The following PPP3CB variants were observed in gnomAD, a reference collection of about 807,000 sequenced individuals.
The protein encoded by PPP3CB is serine/threonine-protein phosphatase 2B catalytic subunit beta isoform.
A neutral mutation model predicts 66.4 loss-of-function variants in PPP3CB; 8 were observed. The ratio of observed to expected loss-of-function variants is 0.12; its 90% confidence interval spans 0.07 to 0.22. The LOEUF is 0.22. Among genes scored for constraint, PPP3CB ranks in the 10% least tolerant of loss-of-function variants. The pLI is 1.00. For missense variants in PPP3CB, 319 were observed against 642.5 expected (o/e 0.50, Z 5.44); for synonymous variants, 208 against 221.2 (o/e 0.94, Z 0.53).
intron 8 of PPP3CB, among the ~76,000 whole-genome samples, chr10:73,468,567 T>C (rs2056655071): frequency 1.3e-5 from 2 of 152,298 alleles, no homozygotes; most frequent in Non-Finnish European, 2.9e-5. Flanking sequence ...AGACAATGCA[T>C]TTCACATGAA....
chr10:73,487,385 T>C (rs1274178158), intron 1 of PPP3CB, among the ~76,000 whole-genome samples: 1 of 151,652 alleles, frequency 6.6e-6, no homozygotes, highest in African/African-American at 2.4e-5. Flanking sequence ...CCGTCTCTAC[T>C]AAAAATACAA....
At chr10:73,493,045 G>A (rs746220723) in intron 1 of PPP3CB, among the ~76,000 whole-genome samples, 3 of 152,146 alleles carry the variant, frequency 2.0e-5, no homozygotes, top group South Asian at 2.1e-4. Flanking sequence ...GGAGGCCACG[G>A]TGGGAGGATC....
intron 10 of PPP3CB, among the ~76,000 whole-genome samples, chr10:73,452,866 C>T (rs1049187144): frequency 6.6e-6 from 1 of 152,242 alleles, no homozygotes. Context: ...GCAATGGTAG[C>T]GCTTGTACAG....
At position 73,444,710 on chromosome 10, in the gene PPP3CB, G is replaced by A; in HGVS notation, c.1366+15C>T. ...CAGTCCATCTGAGGCACAGCAAGTT[G>A]CATAACATCATTACCACTTTGCAGG... On this transcript the variant is annotated intron_variant, in intron 12 of 13. Coordinates refer to ENST00000360663, the MANE Select transcript of PPP3CB (RefSeq NM_021132.4). 1 of 1,614,118 alleles carries A rather than the reference G, an allele frequency of 6.2e-7. No individual in the cohort carries two copies.
Position 73,444,735 on chromosome 10 carries a change from G to C in PPP3CB, c.1356C>G (p.Thr452=). Reference sequence around the variant, plus strand: ...GCATAACATCATTACCACTTTGCAGGGTCTGCCGTCCTCCAGCTAACACTC... The same window carrying C: ...GCATAACATCATTACCACTTTGCAGCGTCTGCCGTCCTCCAGCTAACACTC... ...PSGVLAGGRQ[T]LQSATVEAIE... The change falls in exon 12 of 14, where the codon ACC becomes ACG. Residue 452 remains threonine (T), a synonymous_variant. Transcript: ENST00000360663. 1 of 1,614,066 alleles carries C rather than the reference G, an allele frequency of 6.2e-7. No individual in the cohort carries two copies. Among genetic ancestry groups the C allele is most frequent in the South Asian group, 1.1e-5 (1 of 91,080 alleles).
At chr10:73,478,662 C>A in intron 2 of PPP3CB, 39 bp from the exon 3 acceptor site, 1 of 1,573,478 alleles carries the variant, frequency 6.4e-7, no homozygotes, top group South Asian at 1.2e-5. Flanking sequence ...AAAAAAATCT[C>A]TAAAACAACA....
In PPP3CB at chr10:73,478,650, G is replaced by A. The variant is rs370399522; in HGVS notation, c.287-27C>T. On this transcript the variant is annotated intron_variant, in intron 2 of 13. Coordinates refer to ENST00000360663, the MANE Select transcript of PPP3CB (RefSeq NM_021132.4). ...TGAAACAAGAAGATTATTAGATAAG[G>A]GAAAAAAATCTCTAAAACAACAAAT... 29 of 1,588,912 alleles carry A rather than the reference G, an allele frequency of 1.8e-5. No individual in the cohort carries two copies. In the African/African-American group the frequency reaches 2.9e-4, roughly 16 times the overall value.
chr10:73,474,803 G>A, intron 4 of PPP3CB, 116 bp downstream of exon 4: 1 of 1,396,988 alleles, frequency 7.2e-7, no homozygotes, highest in Non-Finnish European at 9.5e-7. Flanking sequence ...AGCTTTATGT[G>A]TGGACATGAA....
At chr10:73,444,370 G>C in intron 12 of PPP3CB, 1 of 533,734 alleles carries the variant, frequency 1.9e-6, no homozygotes. Context: ...TTAGTAACAG[G>C]AATATCCCTG....
At position 73,479,436 on chromosome 10, in the gene PPP3CB, T is replaced by C. The variant is rs760558486; in HGVS notation, c.167A>G (p.Lys56Arg). Residue 56 changes from lysine (K) to arginine (R), a missense_variant, in exon 2 of 14, where the codon AAG (lysine) becomes AGG (arginine). By Grantham distance (26) the Lys-to-Arg change is conservative (BLOSUM62 2). Around this residue, in one of 5 missense-constraint regions of PPP3CB, gnomAD observed 104 missense variants for 128.4 expected, o/e 0.81. Coordinates refer to ENST00000360663, the MANE Select transcript of PPP3CB (RefSeq NM_021132.4). ...TCGACCTTCTTTCACCAAGTGGTTC[T>C]TCAGAACATCAACCCTGGGTATCCC... is the stretch of plus-strand genomic sequence containing the variant. ...LDGIPRVDVL[K>R]NHLVKEGRVD... is the part of the protein sequence containing the mutation. The C allele has an allele frequency of 1.9e-6, 3 of 1,614,184 alleles. No individual in the cohort carries two copies. Among genetic ancestry groups the C allele is most frequent in the Non-Finnish European group, 2.5e-6 (3 of 1,180,022 alleles).
intron 1 of PPP3CB, among the ~76,000 whole-genome samples, chr10:73,490,978 G>A (rs915363767): frequency 6.7e-5 from 10 of 148,440 alleles, no homozygotes; most frequent in Non-Finnish European, 1.0e-4. Context: ...GATTACAGGT[G>A]CGTGCCACCA....
chr10:73,463,838 C>T (rs142148851), intron 9 of PPP3CB, among the ~76,000 whole-genome samples: 7,080 of 151,730 alleles, frequency 0.047, 506 homozygotes, highest in African/African-American at 0.15. Flanking sequence ...GGTTTCACTG[C>T]GTTAGCCAGG....
chr10:73,487,511 G>A lies in PPP3CB; in HGVS notation c.86-7994C>T, dbSNP rs187025602. Among the ~76,000 whole-genome samples, 557 of 131,548 alleles carry A rather than the reference G, an allele frequency of 4.2e-3. 1 individual carries two copies. The highest frequency in any genetic ancestry group is 0.015 in the African/African-American group (512 of 34,896). The allele number at this position is 131,548 out of a possible 152,430, so 86.3% of individuals were successfully genotyped here. A position where few individuals can be genotyped will look rare whatever the true frequency, so the allele number is the denominator to read the frequency against. ...TGCAGTGAGCCGAGATCATGCCACT[G>A]TACTCCAGCCAGGGCAACAGAGTGA... is the stretch of plus-strand genomic sequence containing the variant. On this transcript the variant is annotated intron_variant, in intron 1 of 13. Coordinates refer to ENST00000360663, the MANE Select transcript of PPP3CB (RefSeq NM_021132.4).
At chr10:73,470,990 G>A in intron 6 of PPP3CB, 26 bp from the exon 7 acceptor site, 1 of 1,608,082 alleles carries the variant, frequency 6.2e-7, no homozygotes, top group South Asian at 1.1e-5. Context: ...AGTAAATTAA[G>A]TAAAATAATG....
intron 12 of PPP3CB, chr10:73,444,070 C>A (rs975129036): frequency 1.3e-5 from 2 of 152,508 alleles, no homozygotes; most frequent in Admixed American, 6.5e-5. Flanking sequence ...TAAAGAAAGA[C>A]AGACAGATTT....
At chr10:73,495,778 GC>G in intron 1 of PPP3CB, 26 bp downstream of exon 1, 1 of 1,538,480 alleles carries the variant, frequency 6.5e-7, no homozygotes, top group Admixed American at 1.8e-5. Context: ...TTCAGGCCAG[GC>G]CCCCAGGGTT....
intron 9 of PPP3CB, among the ~76,000 whole-genome samples, chr10:73,466,615 C>T (rs1335894249): frequency 6.6e-6 from 1 of 152,182 alleles, no homozygotes; most frequent in Non-Finnish European, 1.5e-5. Flanking sequence ...TAACATTGGA[C>T]CTACTGAGTA....
At chr10:73,478,962 T>C (rs1423838249) in intron 2 of PPP3CB, among the ~76,000 whole-genome samples, 1 of 152,258 alleles carries the variant, frequency 6.6e-6, no homozygotes, top group Non-Finnish European at 1.5e-5. Flanking sequence ...TCTAACTCAA[T>C]ACTTTCTGTT....
At chr10:73,466,843 A>G (rs2056624387) in intron 9 of PPP3CB, 1 of 152,214 alleles carries the variant, frequency 6.6e-6, no homozygotes, top group Non-Finnish European at 1.5e-5. Context: ...GTCATTTTCC[A>G]CATATGGAAA....
Sources: allele counts gnomAD v4.1 joint callset (sites outside exome capture counted in the v4.1 genomes callset), GRCh38; gene constraint gnomAD v4.1.1; regional missense constraint gnomAD v4.1.1; transcripts MANE v1.5; gene names NCBI Gene and HGNC (gene_info 2026-07-23, HGNC 2026-07-21).